Variants in XXYLT1 observed in about 807,000 individuals in gnomAD.
XXYLT1 encodes the protein UDP-xylose:alpha-xyloside alpha-1,3-xylosyltransferase.
In XXYLT1, 20 loss-of-function variants were observed where a neutral mutation model predicts 28.9. That is an observed-to-expected ratio of 0.69 (90% confidence interval 0.49 to 1.00). The LOEUF (loss-of-function observed/expected upper bound fraction) is 1.00. XXYLT1 is among the 50% of genes least tolerant of loss of function. The probability of loss-of-function intolerance (pLI) is 0.00; values close to 1 mark genes in which losing one functional copy is unlikely to be tolerated. For missense variants in XXYLT1, 542 were observed against 560.1 expected (o/e 0.97, Z 0.33); for synonymous variants, 257 against 253.8 (o/e 1.01, Z -0.12).
Position 195,077,636 on chromosome 3 carries a change from G to A in XXYLT1, c.786-7525C>T, listed in dbSNP as rs1313625132. ...ATCTCTGTGGGGCCCTGTAAAGCGC[G>A]GCCTGGGGCTGGACGTCGTAGGGGG... On this transcript the variant is annotated intron_variant, in intron 3 of 3. Transcript: ENST00000310380. The surrounding 1 kb of genome is among the most constrained non-coding windows in gnomAD (Gnocchi z 4.8). Among the ~76,000 whole-genome samples, 2 of 152,172 alleles carry A rather than the reference G, an allele frequency of 1.3e-5. No individual in the cohort carries two copies. Among genetic ancestry groups the A allele is most frequent in the South Asian group, 2.1e-4 (1 of 4,828 alleles).
chr3:195,262,451 T>A (rs996165270), intron 1 of XXYLT1, among the ~76,000 whole-genome samples: 1 of 152,182 alleles, frequency 6.6e-6, no homozygotes, highest in Non-Finnish European at 1.5e-5. Context: ...ATTGTATACA[T>A]TAAATGAGTG....
intron 2 of XXYLT1, among the ~76,000 whole-genome samples, chr3:195,158,772 GC>G (rs1369608282): frequency 6.6e-6 from 1 of 152,234 alleles, no homozygotes; most frequent in South Asian, 2.1e-4. Flanking sequence ...CAGGAGGTTA[GC>G]CCCTTCATGT....
intron 3 of XXYLT1, among the ~76,000 whole-genome samples, chr3:195,111,991 A>G (rs1717743455): frequency 6.6e-6 from 1 of 152,176 alleles, no homozygotes; most frequent in Non-Finnish European, 1.5e-5. Flanking sequence ...TGCCTCAGGA[A>G]CTCATTTCTT....
intron 2 of XXYLT1, among the ~76,000 whole-genome samples, chr3:195,204,029 T>C (rs1722960341): frequency 6.6e-6 from 1 of 152,186 alleles, no homozygotes; most frequent in African/African-American, 2.4e-5. Context: ...GAGCTTAGAA[T>C]TCACCACACA....
rs1164681839 is a variant in XXYLT1 at position 195,115,414 on chromosome 3, A to G, written c.785+41035T>C. Among the ~76,000 whole-genome samples, 3 of 152,216 alleles carry G rather than the reference A, an allele frequency of 2.0e-5. No homozygotes were observed. Among genetic ancestry groups the G allele is most frequent in the Non-Finnish European group, 4.4e-5 (3 of 68,040 alleles). On this transcript the variant is annotated intron_variant, in intron 3 of 3. Coordinates refer to ENST00000310380, the MANE Select transcript of XXYLT1 (RefSeq NM_152531.5). This position sits in a 1 kb window ranked among gnomAD's most constrained non-coding sequence, Gnocchi z 4.2. ...GGCAACAGCTGCTTCTGAACTAGCC[A>G]GGAGTCCTTCAAAAGGCCCAGCCGG...
chr3:195,223,872 T>G (rs969890512), intron 2 of XXYLT1, among the ~76,000 whole-genome samples: 2 of 152,134 alleles, frequency 1.3e-5, no homozygotes, highest in African/African-American at 4.8e-5. Context: ...AAAAATGAAT[T>G]GCTGCCGGGC....
intron 1 of XXYLT1, among the ~76,000 whole-genome samples, chr3:195,244,301 A>G (rs1221748653): frequency 6.6e-6 from 1 of 152,208 alleles, no homozygotes; most frequent in African/African-American, 2.4e-5. Context: ...CAAGCCTGCA[A>G]GCTTCACCCT....
intron 2 of XXYLT1, chr3:195,184,626 C>A (rs1342055543): frequency 1.0e-6 from 1 of 985,240 alleles, no homozygotes; most frequent in African/African-American, 1.7e-5. Context: ...CTGATTAGGT[C>A]TACTTACCCA....
intron 3 of XXYLT1, among the ~76,000 whole-genome samples, chr3:195,081,218 T>TAA (rs111237694): frequency 0.091 from 13,091 of 144,486 alleles, 750 homozygotes; most frequent in East Asian, 0.3. Context: ...AGAATCACAC[T>TAA]AAAAAAAAAA....
chr3:195,249,485 T>C (rs1422424812), intron 1 of XXYLT1, among the ~76,000 whole-genome samples: 2 of 152,070 alleles, frequency 1.3e-5, no homozygotes, highest in African/African-American at 2.4e-5. Context: ...AAAGGAAACA[T>C]GTCAGGCAGC....
intron 3 of XXYLT1, among the ~76,000 whole-genome samples, chr3:195,074,047 C>T (rs553352081): frequency 6.6e-6 from 1 of 152,318 alleles, no homozygotes; most frequent in East Asian, 1.9e-4. Flanking sequence ...CCTCCCACCA[C>T]TCCAAACCAC....
At chr3:195,126,850 C>T (rs576067303) in intron 3 of XXYLT1, among the ~76,000 whole-genome samples, 1 of 152,320 alleles carries the variant, frequency 6.6e-6, no homozygotes, top group African/African-American at 2.4e-5. Flanking sequence ...AAAAACACTA[C>T]AAATCTGGTA....
intron 3 of XXYLT1, among the ~76,000 whole-genome samples, chr3:195,101,750 C>T (rs1433639330): frequency 7.0e-6 from 1 of 142,854 alleles, no homozygotes; most frequent in African/African-American, 2.6e-5. Flanking sequence ...TGCTGGAGCC[C>T]AGGGCTTTAT....
intron 2 of XXYLT1, among the ~76,000 whole-genome samples, chr3:195,189,984 G>A (rs1722350104): frequency 6.6e-6 from 1 of 152,130 alleles, no homozygotes; most frequent in South Asian, 2.1e-4. Context: ...TATGTACAAA[G>A]GCATTTCAAT....
chr3:195,138,692 T>C (rs1719322422), intron 3 of XXYLT1, among the ~76,000 whole-genome samples: 1 of 151,590 alleles, frequency 6.6e-6, no homozygotes, highest in East Asian at 1.9e-4. Context: ...CCGTCTCTAC[T>C]AAAAATACAA....
intron 1 of XXYLT1, chr3:195,259,751 G>T: frequency 1.2e-6 from 1 of 859,024 alleles, no homozygotes; most frequent in Non-Finnish European, 1.4e-6. Context: ...CGGGTCTTTT[G>T]CCAAATTCCC....
intron 2 of XXYLT1, among the ~76,000 whole-genome samples, chr3:195,201,678 A>G (rs1345529956): frequency 1.3e-5 from 2 of 152,178 alleles, no homozygotes; most frequent in East Asian, 3.9e-4. Context: ...GCCCCTCTAG[A>G]CCCAACTCCC....
chr3:195,078,253 G>C lies in XXYLT1; in HGVS notation c.786-8142C>G, dbSNP rs78586029. ...CAGAGAGCACCAAGCAGGTGGTACG[G>C]AATTCTGGAGAGTTCTGACATTTAG... On this transcript the variant is annotated intron_variant, in intron 3 of 3. Transcript: ENST00000310380. This position sits in a 1 kb window ranked among gnomAD's most constrained non-coding sequence, Gnocchi z 5.0. Among the ~76,000 whole-genome samples the C allele has an allele frequency of 0.035, 5,280 of 152,110 alleles. 308 individuals carry two copies. The highest frequency in any genetic ancestry group is 0.12 in the African/African-American group (5,026 of 41,456).
At chr3:195,175,815 G>A (rs981331212) in intron 2 of XXYLT1, 2 of 1,423,918 alleles carry the variant, frequency 1.4e-6, no homozygotes, top group Non-Finnish European at 1.8e-6. Context: ...GGATGGAAGT[G>A]GCCTCGATTC....
Sources: gnomAD v4.1 joint callset for allele counts (sites outside exome capture counted in the v4.1 genomes callset) on GRCh38, gnomAD v4.1.1 for gene constraint, Gnocchi (gnomAD v3.1) non-coding constraint, MANE v1.5 for transcripts, NCBI Gene and HGNC (gene_info 2026-07-23, HGNC 2026-07-21) for gene names.